The following SLX4IP variants were observed in gnomAD, a reference collection of about 807,000 sequenced individuals.
SLX4IP encodes the protein SLX4 interacting protein.
In SLX4IP, 34 loss-of-function variants were observed where a neutral mutation model predicts 32.9. The observed-to-expected ratio is 1.03, with a 90% CI of 0.79 to 1.38. The LOEUF (loss-of-function observed/expected upper bound fraction) is 1.38, where lower values mean the gene tolerates loss of function less well. SLX4IP is among the 40% of genes most tolerant of loss of function. SLX4IP has a pLI of 0.00. For synonymous variants in SLX4IP, 172 were observed against 171.7 expected (o/e 1.00, Z -0.01); for missense variants, 444 against 479.0 (o/e 0.93, Z 0.68).
chr20:10,522,176 G>C (rs1447450850), intron 2 of SLX4IP, among the ~76,000 whole-genome samples: 2 of 152,174 alleles, frequency 1.3e-5, no homozygotes, highest in African/African-American at 4.8e-5. Flanking sequence ...GAAAATGTCT[G>C]TTTTGATCTT....
Position 10,458,158 on chromosome 20 carries a change from C to CTTTTTTTTTT in SLX4IP, c.-29-17_-29-8dup. The stretch of plus-strand genomic sequence containing the variant: ...GAAATTTTAATATACCTAATTGTAA[C>CTTTTTTTTTT]TTTTTTTTTTCTTAAAGGTCTGTAG... On this transcript the variant is annotated splice_polypyrimidine_tract_variant and intron_variant, in intron 1 of 7. Coordinates refer to ENST00000334534, the MANE Select transcript of SLX4IP (RefSeq NM_001009608.3). The CTTTTTTTTTT allele has an allele frequency of 7.7e-7, 1 of 1,297,792 alleles. No individual in the cohort carries two copies. The allele number at this position is 1,297,792 out of a possible 1,614,324, so 80.4% of individuals were successfully genotyped here.
At chr20:10,488,441 C>T (rs2065592707) in intron 2 of SLX4IP, among the ~76,000 whole-genome samples, 1 of 152,148 alleles carries the variant, frequency 6.6e-6, no homozygotes. Context: ...CCTGCTGACA[C>T]CTTAATTTCA....
chr20:10,456,013 G>C (rs1298562371), intron 1 of SLX4IP, among the ~76,000 whole-genome samples: 1 of 152,108 alleles, frequency 6.6e-6, no homozygotes, highest in Non-Finnish European at 1.5e-5. Context: ...CCAACATAAT[G>C]CCACAAGTAC....
chr20:10,601,751 A>C lies in SLX4IP; in HGVS notation c.337A>C (p.Arg113=). Residue 113 remains arginine, a synonymous_variant, in exon 6 of 8, where the codon AGA becomes CGA. Coordinates refer to ENST00000334534, the MANE Select transcript of SLX4IP (RefSeq NM_001009608.3). The part of the protein sequence containing the change: ...QNAELCVFPD[R]FVVCVSQLAF... The stretch of plus-strand genomic sequence containing the variant: ...TACAGAACTCTGTGTATTCCCTGAC[A>C]GATTTGTGGTTTGTGTCAGTCAGCT... 6.2e-7 allele frequency: 1 copy of C among 1,614,016 alleles called. No homozygotes were observed. Among genetic ancestry groups the C allele is most frequent in the Non-Finnish European group, 8.5e-7 (1 of 1,179,920 alleles).
chr20:10,568,510 A>G (rs8118158), intron 4 of SLX4IP, among the ~76,000 whole-genome samples: 79 of 152,326 alleles, frequency 5.2e-4, no homozygotes, highest in African/African-American at 1.9e-3. Flanking sequence ...AATTAAACTT[A>G]TATTAACCTT....
intron 4 of SLX4IP, among the ~76,000 whole-genome samples, chr20:10,591,091 C>A (rs1237363795): frequency 6.6e-6 from 1 of 152,162 alleles, no homozygotes; most frequent in African/African-American, 2.4e-5. Flanking sequence ...TTTAAACAAG[C>A]CCTGAGCTCT....
chr20:10,503,304 G>A (rs2065734333), intron 2 of SLX4IP, among the ~76,000 whole-genome samples: 1 of 152,170 alleles, frequency 6.6e-6, no homozygotes, highest in African/African-American at 2.4e-5. Context: ...CTAACAGCTG[G>A]CGGGTGACTG....
intron 2 of SLX4IP, among the ~76,000 whole-genome samples, chr20:10,554,282 T>C (rs1003042907): frequency 3.3e-5 from 5 of 152,230 alleles, no homozygotes; most frequent in African/African-American, 1.2e-4. Flanking sequence ...GTTGAGTCTA[T>C]CGGTAGTGTG....
chr20:10,523,988 A>G (rs1423598146), intron 2 of SLX4IP, among the ~76,000 whole-genome samples: 3 of 152,250 alleles, frequency 2.0e-5, no homozygotes, highest in Non-Finnish European at 4.4e-5. Context: ...CCTGTCTGAC[A>G]GGGACCTGCA....
intron 6 of SLX4IP, among the ~76,000 whole-genome samples, chr20:10,606,391 A>G (rs1363463621): frequency 6.6e-6 from 1 of 152,162 alleles, no homozygotes; most frequent in Non-Finnish European, 1.5e-5. Flanking sequence ...AGAATTCTCT[A>G]TTTTTGTGTT....
chr20:10,451,729 G>A (rs2065243866), intron 1 of SLX4IP, among the ~76,000 whole-genome samples: 1 of 152,100 alleles, frequency 6.6e-6, no homozygotes, highest in Admixed American at 6.5e-5. Flanking sequence ...AGCACTTTGG[G>A]AGGCCGAGGC....
At chr20:10,568,083 A>G (rs988504573) in intron 4 of SLX4IP, among the ~76,000 whole-genome samples, 9 of 152,326 alleles carry the variant, frequency 5.9e-5, no homozygotes, top group Admixed American at 5.9e-4. Context: ...TTCCTTTTAG[A>G]TGAGCTTTTT....
At chr20:10,504,023 A>G (rs1660002731) in intron 2 of SLX4IP, among the ~76,000 whole-genome samples, 1 of 152,166 alleles carries the variant, frequency 6.6e-6, no homozygotes, top group South Asian at 2.1e-4. Context: ...TATCTTTTGG[A>G]TCTTATGATA....
intron 2 of SLX4IP, among the ~76,000 whole-genome samples, chr20:10,504,303 A>C (rs73076940): frequency 0.11 from 17,161 of 152,166 alleles, 1,308 homozygotes; most frequent in Non-Finnish European, 0.17. Flanking sequence ...TGGACAGATT[A>C]ATTGTGAATA....
At chr20:10,513,666 C>G (rs532928870) in intron 2 of SLX4IP, among the ~76,000 whole-genome samples, 1 of 152,320 alleles carries the variant, frequency 6.6e-6, no homozygotes, top group East Asian at 1.9e-4. Context: ...ATTAGAGCTG[C>G]CTCTGGCATT....
Position 10,623,775 on chromosome 20 carries a change from AG to A in SLX4IP, c.*400del, listed in dbSNP as rs1391355470. On this transcript the variant is annotated 3_prime_UTR_variant, in exon 8 of 8. Transcript: ENST00000334534. ...TGCTGCCGTGCTGCCTTTCAGCTCCAGGGGTACAATCCATCCCCCTGCTCCT... is the reference window on the plus strand; with the variant it reads ...TGCTGCCGTGCTGCCTTTCAGCTCCAGGGTACAATCCATCCCCCTGCTCCT... 2 of 179,402 alleles carry A rather than the reference AG, an allele frequency of 1.1e-5. No homozygotes were observed. Among genetic ancestry groups the A allele is most frequent in the Non-Finnish European group, 2.4e-5 (2 of 84,020 alleles). The allele number at this position is 179,402 out of a possible 1,614,324, so 11.1% of individuals were successfully genotyped here. A position where few individuals can be genotyped will look rare whatever the true frequency, so the allele number is the denominator to read the frequency against.
At chr20:10,536,588 A>AC (rs1381523166) in intron 2 of SLX4IP, among the ~76,000 whole-genome samples, 1 of 152,220 alleles carries the variant, frequency 6.6e-6, no homozygotes, top group Non-Finnish European at 1.5e-5. Flanking sequence ...GGCAAACGTT[A>AC]CCTTGGCTGC....
At chr20:10,578,571 G>A (rs1464113547) in intron 4 of SLX4IP, among the ~76,000 whole-genome samples, 2 of 152,172 alleles carry the variant, frequency 1.3e-5, no homozygotes, top group African/African-American at 2.4e-5. Context: ...GTGGACATAT[G>A]TTTTCATTTC....
In SLX4IP at chr20:10,595,203, C is replaced by T. The variant is rs570422251; in HGVS notation, c.239-3472C>T. 4.8e-4 allele frequency among the ~76,000 whole-genome samples: 73 copies of T among 152,176 alleles called. 1 individual carries two copies. In the South Asian group the frequency reaches 0.014, roughly 30 times the overall value. On this transcript the variant is annotated intron_variant, in intron 4 of 7. Transcript: ENST00000334534. ...TTCTGGAAATGCACATACCTGCAGA[C>T]GCCTGGTGGTAAGATGTTTCTATTG...
Sources: allele counts gnomAD v4.1 joint callset (sites outside exome capture counted in the v4.1 genomes callset), GRCh38; gene constraint gnomAD v4.1.1; transcripts MANE v1.5; gene names NCBI Gene and HGNC (gene_info 2026-07-23, HGNC 2026-07-21).